The following ZNF385D variants were observed in gnomAD, a reference collection of about 807,000 sequenced individuals.
ZNF385D encodes the protein zinc finger protein 659.
In ZNF385D, 15 loss-of-function variants were observed where a neutral mutation model predicts 35.8. The observed-to-expected ratio is 0.42, with a 90% CI of 0.28 to 0.64. The LOEUF is 0.64. Ranked by LOEUF, ZNF385D falls within the 30% of genes least tolerant of loss-of-function variation. The probability of loss-of-function intolerance (pLI) is 0.23; values close to 1 mark genes in which losing one functional copy is unlikely to be tolerated. For synonymous variants in ZNF385D, 212 were observed against 186.8 expected, an observed-to-expected ratio of 1.13 and a Z score of -1.10; for missense variants, 474 against 494.6, an observed-to-expected ratio of 0.96 and a Z score of 0.39.
At chr3:21,890,865 G>A (rs930226705) in intron 3 of ZNF385D, among the ~76,000 whole-genome samples, 1 of 152,120 alleles carries the variant, frequency 6.6e-6, no homozygotes, top group Non-Finnish European at 1.5e-5. Context: ...TGAACTTTCA[G>A]TGGTTTCAAA....
intron 3 of ZNF385D, among the ~76,000 whole-genome samples, chr3:21,914,186 T>C (rs999993709): frequency 3.9e-5 from 6 of 152,098 alleles, no homozygotes; most frequent in Non-Finnish European, 5.9e-5. Context: ...ACAGGGAACC[T>C]AAAACTAGCA....
At chr3:22,123,992 C>G (rs1285061752) in intron 3 of ZNF385D, among the ~76,000 whole-genome samples, 1 of 98,110 alleles carries the variant, frequency 1.0e-5, no homozygotes, top group Non-Finnish European at 2.2e-5. Flanking sequence ...ATATATATTG[C>G]TGACTGAACT....
At chr3:21,662,451 GAAAT>G (rs1443022550) in intron 2 of ZNF385D, among the ~76,000 whole-genome samples, 1 of 152,112 alleles carries the variant, frequency 6.6e-6, no homozygotes, top group East Asian at 1.9e-4. Flanking sequence ...TCTTGAATGA[GAAAT>G]AAAGTCAATT....
intron 1 of ZNF385D, among the ~76,000 whole-genome samples, chr3:21,746,294 C>T (rs1446786657): frequency 4.6e-5 from 7 of 152,166 alleles, no homozygotes; most frequent in South Asian, 4.1e-4. Flanking sequence ...ATAATTACAA[C>T]AACTGTGGAG....
chr3:21,958,479 G>T (rs185747630), intron 3 of ZNF385D, among the ~76,000 whole-genome samples: 11 of 152,190 alleles, frequency 7.2e-5, no homozygotes, highest in African/African-American at 2.7e-4. Context: ...ATGCCACCTT[G>T]CTGGGAACAT....
At chr3:21,541,194 A>T (rs1272280029) in intron 3 of ZNF385D, among the ~76,000 whole-genome samples, 1 of 152,202 alleles carries the variant, frequency 6.6e-6, no homozygotes, top group Non-Finnish European at 1.5e-5. Context: ...CATGCCTGGT[A>T]CAATTTCATT....
chr3:21,711,628 A>G (rs372781970), intron 1 of ZNF385D, among the ~76,000 whole-genome samples: 1 of 152,160 alleles, frequency 6.6e-6, no homozygotes, highest in African/African-American at 2.4e-5. Context: ...TCCCATCCCC[A>G]AAAACACTCA....
chr3:21,805,992 T>C (rs1226473703), intron 3 of ZNF385D, among the ~76,000 whole-genome samples: 1 of 152,108 alleles, frequency 6.6e-6, no homozygotes, highest in Non-Finnish European at 1.5e-5. Flanking sequence ...AAAAATACAA[T>C]GTCTATAAAA....
At chr3:22,126,660 C>T (rs1031725547) in intron 3 of ZNF385D, among the ~76,000 whole-genome samples, 1 of 152,038 alleles carries the variant, frequency 6.6e-6, no homozygotes, top group Non-Finnish European at 1.5e-5. Context: ...ATTCTGCAGC[C>T]ATTGGATGAA....
At chr3:21,839,774 A>AT (rs760369143) in intron 3 of ZNF385D, among the ~76,000 whole-genome samples, 8 of 152,044 alleles carry the variant, frequency 5.3e-5, no homozygotes, top group Non-Finnish European at 8.8e-5. Flanking sequence ...GGAGAGTCAC[A>AT]TACCAGCAAT....
intron 3 of ZNF385D, among the ~76,000 whole-genome samples, chr3:22,162,819 T>G (rs975536122): frequency 1.3e-5 from 2 of 152,202 alleles, no homozygotes; most frequent in African/African-American, 4.8e-5. Flanking sequence ...GAATCAGAGA[T>G]GAACCTTCAG....
chr3:22,247,254 A>C (rs1249779307), intron 2 of ZNF385D, among the ~76,000 whole-genome samples: 1 of 152,176 alleles, frequency 6.6e-6, no homozygotes, highest in Non-Finnish European at 1.5e-5. Flanking sequence ...AAAAGAAAAA[A>C]TAATCATTTC....
intron 3 of ZNF385D, among the ~76,000 whole-genome samples, chr3:22,165,669 A>T (rs1045021552): frequency 1.3e-5 from 2 of 152,190 alleles, no homozygotes; most frequent in African/African-American, 4.8e-5. Context: ...TAAGAAGTTG[A>T]TTAAATCTTT....
chr3:21,917,559 A>G (rs1700250007), intron 3 of ZNF385D, among the ~76,000 whole-genome samples: 1 of 152,234 alleles, frequency 6.6e-6, no homozygotes, highest in African/African-American at 2.4e-5. Context: ...TATGACATGA[A>G]AAGATTGTTC....
intron 2 of ZNF385D, among the ~76,000 whole-genome samples, chr3:22,328,919 C>CA (rs549156836): frequency 0.032 from 4,817 of 150,928 alleles, 240 homozygotes; most frequent in African/African-American, 0.11. Flanking sequence ...ACTAAAAATA[C>CA]AAAAAAAATT....
intron 1 of ZNF385D, among the ~76,000 whole-genome samples, chr3:21,742,652 G>T (rs941459206): frequency 6.6e-6 from 1 of 152,156 alleles, no homozygotes; most frequent in East Asian, 1.9e-4. Flanking sequence ...GTGTAATGTG[G>T]GATCCCCTCT....
intron 3 of ZNF385D, among the ~76,000 whole-genome samples, chr3:22,025,809 A>G (rs931930176): frequency 2.0e-5 from 3 of 152,194 alleles, no homozygotes; most frequent in Non-Finnish European, 4.4e-5. Flanking sequence ...ACCCTGGACC[A>G]ATGCCTTGTG....
intron 2 of ZNF385D, among the ~76,000 whole-genome samples, chr3:22,220,270 G>T (rs573767617): frequency 1.5e-3 from 233 of 151,954 alleles, no homozygotes; most frequent in African/African-American, 5.4e-3. Flanking sequence ...TCACTATGTT[G>T]CCCAGACTGG....
chr3:21,510,512 T>C (rs1052662916), intron 4 of ZNF385D, among the ~76,000 whole-genome samples: 1 of 152,168 alleles, frequency 6.6e-6, no homozygotes, highest in South Asian at 2.1e-4. Flanking sequence ...AAATCTGCCA[T>C]GCAGTTATAA....
Sources: allele counts gnomAD v4.1 joint callset (sites outside exome capture counted in the v4.1 genomes callset), GRCh38; gene constraint gnomAD v4.1.1; transcripts MANE v1.5; gene names NCBI Gene and HGNC (gene_info 2026-07-23, HGNC 2026-07-21).